The following UIMC1 variants were observed in gnomAD, a reference collection of about 807,000 sequenced individuals.
UIMC1 encodes BRCA1-A complex subunit RAP80.
A neutral mutation model predicts 84.9 loss-of-function variants in UIMC1; 42 were observed. That is an observed-to-expected ratio of 0.49 (90% CI 0.39 to 0.64). UIMC1 has a LOEUF of 0.64. Ranked by LOEUF, UIMC1 falls within the 30% of genes least tolerant of loss-of-function variation. The pLI is 0.00. For synonymous variants in UIMC1, 281 were observed against 293.0 expected, an observed-to-expected ratio of 0.96 and a Z score of 0.42; for missense variants, 825 against 847.6, an observed-to-expected ratio of 0.97 and a Z score of 0.33.
intron 10 of UIMC1, among the ~76,000 whole-genome samples, chr5:176,936,152 G>C (rs529174038): frequency 1.3e-5 from 2 of 152,252 alleles, no homozygotes; most frequent in East Asian, 3.9e-4. Flanking sequence ...AGACTACACA[G>C]ATAGGAAAGC....
intron 1 of UIMC1, among the ~76,000 whole-genome samples, chr5:176,984,021 G>A (rs1329937899): frequency 1.4e-5 from 2 of 145,690 alleles, no homozygotes; most frequent in African/African-American, 5.2e-5. Flanking sequence ...GAAGTGAGGA[G>A]CGCCTCTGCC....
rs1267315874 is a variant in UIMC1, at chr5:177,022,402, T to C, written c.-9+62A>G. On this transcript the variant is annotated intron_variant, in intron 1 of 5. Coordinates refer to the UIMC1 transcript ENST00000509236. ...GGCCTCAGTTTCCCTGTGAATGAAA[T>C]GGCGAAAACACTCCCACATAACGGG... The C allele has an allele frequency of 2.6e-5, 7 of 267,104 alleles. No individual in the cohort carries two copies. The South Asian group carries it at 6.9e-4, about 26-fold the overall frequency. The allele number at this position is 267,104 out of a possible 1,614,324, so 16.5% of individuals were successfully genotyped here.
intron 1 of UIMC1, among the ~76,000 whole-genome samples, chr5:176,984,152 T>C (rs1183690751): frequency 0.02 from 524 of 26,600 alleles, no homozygotes; most frequent in Admixed American, 0.031. Context: ...CCGGCCGCCC[T>C]GTCTGGGAAG....
intron 1 of UIMC1, among the ~76,000 whole-genome samples, chr5:177,005,266 G>A (rs1487953737): frequency 6.6e-6 from 1 of 151,824 alleles, no homozygotes; most frequent in Non-Finnish European, 1.5e-5. Flanking sequence ...GTAGAGACAG[G>A]GTCTCCTATG....
At chr5:176,923,420 C>T (rs1033013261) in intron 10 of UIMC1, among the ~76,000 whole-genome samples, 3 of 152,106 alleles carry the variant, frequency 2.0e-5, no homozygotes, top group South Asian at 4.1e-4. Context: ...TGTCGTGGCA[C>T]ATGCTTGTAA....
intron 8 of UIMC1, among the ~76,000 whole-genome samples, chr5:176,952,685 G>A (rs1434973794): frequency 1.3e-5 from 2 of 152,060 alleles, no homozygotes; most frequent in East Asian, 1.9e-4. Context: ...CAATCCCAAT[G>A]CTTTGGGAAG....
intron 1 of UIMC1, among the ~76,000 whole-genome samples, chr5:177,004,575 C>G (rs6869246): frequency 6.6e-6 from 1 of 152,026 alleles, no homozygotes; most frequent in East Asian, 1.9e-4. Flanking sequence ...TGGATGCCAA[C>G]AGCAGCTTCT....
intron 1 of UIMC1, among the ~76,000 whole-genome samples, chr5:177,020,548 A>G (rs1319808098): frequency 6.6e-6 from 1 of 152,150 alleles, no homozygotes; most frequent in Non-Finnish European, 1.5e-5. Flanking sequence ...CTCCTGCCTC[A>G]GCCTCCCGAG....
chr5:176,936,847 C>A (rs1274022601), intron 10 of UIMC1, among the ~76,000 whole-genome samples: 1 of 152,148 alleles, frequency 6.6e-6, no homozygotes, highest in African/African-American at 2.4e-5. Context: ...CCTGAGACCT[C>A]GGTATTCCCT....
intron 2 of UIMC1, among the ~76,000 whole-genome samples, chr5:176,976,022 A>G (rs353464): frequency 0.58 from 87,728 of 151,956 alleles, 27,061 homozygotes; most frequent in African/African-American, 0.81. Flanking sequence ...TAAAAGGCCA[A>G]GCACAGTGGC....
intron 11 of UIMC1, among the ~76,000 whole-genome samples, chr5:176,910,790 A>G (rs1262314138): frequency 6.6e-6 from 1 of 152,046 alleles, no homozygotes; most frequent in Non-Finnish European, 1.5e-5. Flanking sequence ...GAGACTAGGA[A>G]TAAGAAAAAG....
Position 176,907,224 on chromosome 5 carries a change from T to C in UIMC1, c.1849-47A>G, listed in dbSNP as rs370917072. The C allele has an allele frequency of 8.3e-6, 13 of 1,560,120 alleles. No individual in the cohort carries two copies. The African/African-American group carries it at 1.8e-4, about 21-fold the overall frequency. ...GAAAAGGTTACTTCATGTCAGAGTC[T>C]AAAATACAACTTCCACAGCCCAGAT... On this transcript the variant is annotated intron_variant, in intron 12 of 14. Transcript: ENST00000511320.
At chr5:176,986,257 A>G (rs1283350246) in intron 1 of UIMC1, among the ~76,000 whole-genome samples, 5 of 148,080 alleles carry the variant, frequency 3.4e-5, no homozygotes, top group Admixed American at 2.1e-4. Flanking sequence ...CTAATCCAGA[A>G]GCTGAGGCAG....
Position 176,975,487 on chromosome 5 carries a change from CA to C in UIMC1, c.148-8del, listed in dbSNP as rs770515621. On this transcript the variant is annotated splice_polypyrimidine_tract_variant and splice_region_variant and intron_variant, in intron 2 of 14. Transcript: ENST00000511320. ...CATTTTCCTCCTTTGGTTCCTGTTGCAAAACAAGAAATATCATCAGTGTGGC... is the reference window on the plus strand; with the variant it reads ...CATTTTCCTCCTTTGGTTCCTGTTGCAAACAAGAAATATCATCAGTGTGGC... The C allele has an allele frequency of 6.2e-7, 1 of 1,613,652 alleles. No individual in the cohort carries two copies. The highest frequency in any genetic ancestry group is 1.3e-5 in the African/African-American group (1 of 75,012).
At chr5:176,926,278 G>A (rs538301567) in intron 10 of UIMC1, among the ~76,000 whole-genome samples, 2 of 152,020 alleles carry the variant, frequency 1.3e-5, no homozygotes, top group Non-Finnish European at 2.9e-5. Flanking sequence ...AATAGTATTG[G>A]CATTAATGTT....
chr5:176,909,361 A>G (rs1249404311), intron 11 of UIMC1, among the ~76,000 whole-genome samples: 1 of 152,228 alleles, frequency 6.6e-6, no homozygotes, highest in Non-Finnish European at 1.5e-5. Flanking sequence ...ACTGGGGGTA[A>G]AAGAAAAAAA....
chr5:176,920,995 T>C lies in UIMC1; in HGVS notation c.1598-9606A>G, dbSNP rs184977054. Among the ~76,000 whole-genome samples the C allele has an allele frequency of 2.7e-3, 409 of 152,338 alleles. 14 individuals are homozygous for C. In the South Asian group the frequency reaches 0.073, roughly 27 times the overall value. On this transcript the variant is annotated intron_variant, in intron 10 of 14. Transcript: ENST00000511320. ...AGTATTTTATTGTCATGAAGGAGTA[T>C]TGAATTCTCTCAAATGCTTTTTCTG...
intron 1 of UIMC1, among the ~76,000 whole-genome samples, chr5:177,012,868 G>C (rs1011890951): frequency 6.6e-6 from 1 of 151,968 alleles, no homozygotes; most frequent in African/African-American, 2.4e-5. Flanking sequence ...TTATGGCCAG[G>C]AGTTCCAGAC....
At chr5:176,990,682 T>G (rs1772697177) in intron 1 of UIMC1, among the ~76,000 whole-genome samples, 1 of 152,174 alleles carries the variant, frequency 6.6e-6, no homozygotes, top group South Asian at 2.1e-4. Context: ...ATTTATGTTT[T>G]TGTTTCTTGA....
Sources: allele counts gnomAD v4.1 joint callset (sites outside exome capture counted in the v4.1 genomes callset), GRCh38; gene constraint gnomAD v4.1.1; transcripts MANE v1.5; gene names NCBI Gene and HGNC (gene_info 2026-07-23, HGNC 2026-07-21).